Variants in CECR2 observed in about 807,000 individuals in gnomAD.
The protein encoded by CECR2 is chromatin remodeling regulator CECR2.
A neutral mutation model predicts 154.5 loss-of-function variants in CECR2; 30 were observed. That is an observed-to-expected ratio of 0.19 (90% CI 0.15 to 0.26). CECR2 has a LOEUF of 0.26. CECR2 is among the 10% of genes least tolerant of loss of function. The pLI is 1.00. For missense variants in CECR2, 1,743 were observed against 1,829.3 expected (o/e 0.95, Z 0.86); for synonymous variants, 725 against 683.7 (o/e 1.06, Z -0.94).
At chr22:17,365,929 T>G (rs2063000052), upstream of CECR2, among the ~76,000 whole-genome samples, 1 of 151,652 alleles carries the variant, frequency 6.6e-6, no homozygotes, top group Non-Finnish European at 1.5e-5. Context: ...CCAACATAGC[T>G]AACATTACTT....
At chr22:17,489,604 C>T (rs2146841302) in intron 2 of CECR2, among the ~76,000 whole-genome samples, 1 of 152,182 alleles carries the variant, frequency 6.6e-6, no homozygotes, top group Non-Finnish European at 1.5e-5. Context: ...TATAGGTATG[C>T]TCCATCACAC....
intron 1 of CECR2, among the ~76,000 whole-genome samples, chr22:17,397,126 TTTTATTTATTTTA>T (rs898101991): frequency 6.6e-6 from 1 of 151,990 alleles, no homozygotes; most frequent in African/African-American, 2.4e-5. Context: ...AGCTTTTTTT[TTTTATTTATTTTA>T]TTTATTTATT....
At chr22:17,416,993 G>A (rs1200644926) in intron 1 of CECR2, among the ~76,000 whole-genome samples, 2 of 149,546 alleles carry the variant, frequency 1.3e-5, no homozygotes, top group East Asian at 3.9e-4. Flanking sequence ...CTCTTGATAC[G>A]TATATCACAT....
chr22:17,465,049 T>G (rs1419823350), intron 1 of CECR2, among the ~76,000 whole-genome samples: 1 of 149,260 alleles, frequency 6.7e-6, no homozygotes, highest in Non-Finnish European at 1.5e-5. Flanking sequence ...CAGGCTGGAG[T>G]GCAGTGGCGC....
Position 17,525,628 on chromosome 22 carries a change from G to A in CECR2, c.1108+1357G>A, listed in dbSNP as rs577330831. On this transcript the variant is annotated intron_variant, in intron 9 of 18. Transcript: ENST00000262608. ...CTCAATAAAAAAAACAACCCTTAGT[G>A]CATATAATCTACAGGTTTAGCCTGT... Among the ~76,000 whole-genome samples, 10 of 152,268 alleles carry A rather than the reference G, an allele frequency of 6.6e-5. No individual in the cohort carries two copies. In the East Asian group the frequency reaches 1.9e-3, roughly 29 times the overall value.
intron 8 of CECR2, among the ~76,000 whole-genome samples, chr22:17,516,631 T>TTTGCTGTTG (rs695390): frequency 0.14 from 21,627 of 151,936 alleles, 1,946 homozygotes; most frequent in Non-Finnish European, 0.2. Context: ...GAGACGGAGT[T>TTTGCTGTTG]TTGCCCAGAC....
intron 5 of CECR2, among the ~76,000 whole-genome samples, chr22:17,502,325 T>C (rs759222188): frequency 1.3e-5 from 2 of 152,182 alleles, no homozygotes; most frequent in Non-Finnish European, 2.9e-5. Context: ...TTATAATAAA[T>C]ACACCTGTCT....
chr22:17,465,729 C>CT (rs2055021347), intron 1 of CECR2, among the ~76,000 whole-genome samples: 1 of 151,920 alleles, frequency 6.6e-6, no homozygotes, highest in Admixed American at 6.6e-5. Context: ...GTGATCCCCC[C>CT]GCCTCAGCCT....
chr22:17,437,804 G>GT (rs1356562280), intron 1 of CECR2, among the ~76,000 whole-genome samples: 1 of 152,118 alleles, frequency 6.6e-6, no homozygotes, highest in East Asian at 1.9e-4. Context: ...AGTGATGAAG[G>GT]TTTTCCATAG....
At chr22:17,517,320 G>GC (rs1252639334) in intron 8 of CECR2, among the ~76,000 whole-genome samples, 4 of 152,292 alleles carry the variant, frequency 2.6e-5, no homozygotes, top group Middle Eastern at 3.4e-3. Context: ...GTTTCCTGAG[G>GC]CCTCCCAGTC....
chr22:17,500,512 C>T (rs1029045209), intron 4 of CECR2, 119 bp from the exon 5 acceptor site: 4 of 711,430 alleles, frequency 5.6e-6, no homozygotes, highest in Non-Finnish European at 9.0e-6. Flanking sequence ...GTTCCCTTTT[C>T]CTTTCACTGC....
chr22:17,511,433 G>A lies in CECR2; in HGVS notation c.871-380G>A, dbSNP rs546953737. Among the ~76,000 whole-genome samples the A allele has an allele frequency of 4.7e-4, 72 of 152,028 alleles. No homozygotes were observed. In the East Asian group the frequency reaches 8.1e-3, roughly 17 times the overall value. On this transcript the variant is annotated intron_variant, in intron 7 of 18. Transcript: ENST00000262608. ...TGCCTTTGCCCGGCGGCCCACCTCC[G>A]GCTGCTCCTGATGCCCCCTCCCAGA...
At chr22:17,412,926 C>T (rs2054089008) in intron 1 of CECR2, among the ~76,000 whole-genome samples, 1 of 152,082 alleles carries the variant, frequency 6.6e-6, no homozygotes, top group Non-Finnish European at 1.5e-5. Flanking sequence ...GCTTTTTTTG[C>T]GGCTAGGCTG....
chr22:17,394,454 C>T (rs1207199088), intron 1 of CECR2, among the ~76,000 whole-genome samples: 6 of 151,898 alleles, frequency 4.0e-5, no homozygotes, highest in South Asian at 2.1e-4. Context: ...AGTGATGCTC[C>T]TGCGTAGGTT....
chr22:17,365,628 G>A (rs1250198888), upstream of CECR2, among the ~76,000 whole-genome samples: 2 of 151,836 alleles, frequency 1.3e-5, no homozygotes, highest in African/African-American at 4.8e-5. Context: ...CCGGGGAGGC[G>A]GAGCTTGCAG....
chr22:17,494,101 T>C (rs1197581715), intron 2 of CECR2, among the ~76,000 whole-genome samples: 1 of 152,368 alleles, frequency 6.6e-6, no homozygotes, highest in African/African-American at 2.4e-5. Context: ...TTTCTTTCTT[T>C]CTTTCTTTCT....
chr22:17,449,333 G>A (rs760250299), intron 1 of CECR2, among the ~76,000 whole-genome samples: 12 of 151,718 alleles, frequency 7.9e-5, no homozygotes, highest in Non-Finnish European at 1.2e-4. Context: ...TCTGTTTCTC[G>A]GACACTTAGG....
Position 17,497,419 on chromosome 22 carries a change from A to G in CECR2, c.238A>G (p.Ser80Gly), listed in dbSNP as rs1349613395. The G allele has an allele frequency of 1.2e-6, 2 of 1,613,742 alleles. No individual in the cohort carries two copies. The highest frequency in any genetic ancestry group is 2.2e-5 in the East Asian group (1 of 44,872). The stretch of plus-strand genomic sequence containing the variant: ...CTGGTCTAGGCCTCAGACATTCCAC[A>G]GCTACCTAGAGGACATCATCAACTA... ...RRDITPQTFHSYLEDIINYRW... is the reference protein window; with the variant it reads ...RRDITPQTFHGYLEDIINYRW... The change falls in exon 3 of 19, where the codon AGC becomes GGC. Residue 80 changes from serine to glycine, a missense_variant. Coordinates refer to ENST00000262608, the MANE Select transcript of CECR2 (RefSeq NM_001290047.2).
intron 2 of CECR2, among the ~76,000 whole-genome samples, chr22:17,493,777 C>T (rs75279949): frequency 0.015 from 2,267 of 152,344 alleles, 24 homozygotes; most frequent in African/African-American, 0.025. Context: ...CGGATGCACA[C>T]GCAGTGTTTG....
Sources: gnomAD v4.1 joint callset for allele counts (sites outside exome capture counted in the v4.1 genomes callset) on GRCh38, gnomAD v4.1.1 for gene constraint, MANE v1.5 for transcripts, NCBI Gene and HGNC (gene_info 2026-07-23, HGNC 2026-07-21) for gene names.